Variants in CNTN5 observed in about 807,000 individuals in gnomAD.
The protein encoded by CNTN5 is contactin 5.
A neutral mutation model predicts 129.1 loss-of-function variants in CNTN5; 77 were observed. The ratio of observed to expected loss-of-function variants is 0.60; its 90% CI spans 0.50 to 0.72. The LOEUF (loss-of-function observed/expected upper bound fraction) is 0.72, where lower values mean the gene tolerates loss of function less well. CNTN5 is among the 30% of genes least tolerant of loss of function. The pLI, the probability that CNTN5 is intolerant of heterozygous loss-of-function variation, is 0.00. For synonymous variants in CNTN5, 509 were observed against 465.6 expected, an observed-to-expected ratio of 1.09 and a Z score of -1.20; for missense variants, 1,478 against 1,328.8, an observed-to-expected ratio of 1.11 and a Z score of -1.75.
At chr11:99,866,771 G>C (rs1179119277) in intron 6 of CNTN5, among the ~76,000 whole-genome samples, 9 of 152,164 alleles carry the variant, frequency 5.9e-5, no homozygotes, top group African/African-American at 9.7e-5. Context: ...CTTAGCCCAT[G>C]GGCGCTAAGG....
intron 2 of CNTN5, among the ~76,000 whole-genome samples, chr11:99,377,823 T>G (rs1443506633): frequency 6.6e-6 from 1 of 152,144 alleles, no homozygotes; most frequent in African/African-American, 2.4e-5. Context: ...ATTTTGCCTT[T>G]TCTCTGGCTA....
At chr11:99,753,316 G>T (rs1331061760) in intron 3 of CNTN5, among the ~76,000 whole-genome samples, 1 of 151,144 alleles carries the variant, frequency 6.6e-6, no homozygotes. Context: ...TAGAGATGGG[G>T]TTTCACCGTG....
intron 13 of CNTN5, among the ~76,000 whole-genome samples, chr11:100,137,401 A>T (rs189350429): frequency 1.5e-4 from 23 of 152,256 alleles, no homozygotes; most frequent in South Asian, 2.1e-4. Context: ...TCTACTGAAC[A>T]CTAGCTATGG....
Position 99,695,684 on chromosome 11 carries a change from G to A in CNTN5, c.56-123860G>A, listed in dbSNP as rs545034452. Reference sequence around the variant, plus strand: ...GAGAGGAGGTTTGAGACCAACCTGGGCAACGTAGGAACATAGACTCCATCT... The same window carrying A: ...GAGAGGAGGTTTGAGACCAACCTGGACAACGTAGGAACATAGACTCCATCT... On this transcript the variant is annotated intron_variant, in intron 3 of 24. Coordinates refer to ENST00000524871, the MANE Select transcript of CNTN5 (RefSeq NM_014361.4). Among the ~76,000 whole-genome samples the A allele has an allele frequency of 2.0e-5, 3 of 151,934 alleles. No homozygotes were observed. In the South Asian group the frequency reaches 6.2e-4, roughly 32 times the overall value.
intron 16 of CNTN5, among the ~76,000 whole-genome samples, chr11:100,234,825 A>G (rs1949575796): frequency 6.6e-6 from 1 of 150,422 alleles, no homozygotes; most frequent in East Asian, 1.9e-4. Context: ...AAAGAAGAAG[A>G]AGGACTTCTA....
At chr11:99,151,091 C>A (rs942137364) in intron 1 of CNTN5, among the ~76,000 whole-genome samples, 2 of 151,996 alleles carry the variant, frequency 1.3e-5, no homozygotes, top group African/African-American at 4.8e-5. Context: ...TATTTAGAAG[C>A]AAAAATCATT....
At chr11:100,031,368 G>T (rs1342955144) in intron 9 of CNTN5, among the ~76,000 whole-genome samples, 2 of 152,192 alleles carry the variant, frequency 1.3e-5, no homozygotes, top group African/African-American at 2.4e-5. Flanking sequence ...TGGACGTGCA[G>T]TCAGGGAGGT....
intron 1 of CNTN5, among the ~76,000 whole-genome samples, chr11:99,074,882 G>T (rs1293341179): frequency 6.6e-6 from 1 of 152,178 alleles, no homozygotes; most frequent in Non-Finnish European, 1.5e-5. Flanking sequence ...ACATGTACCA[G>T]CCAATAGACA....
At position 99,844,876 on chromosome 11, in the gene CNTN5, T is replaced by C. The variant is rs780406948; in HGVS notation, c.302T>C (p.Phe101Ser). The change falls in exon 5 of 25, where the codon TTT becomes TCT. Residue 101 changes from phenylalanine (F) to serine (S), a missense_variant. Physicochemically the swap from Phe to Ser is radical, Grantham distance 155. Coordinates refer to ENST00000524871, the MANE Select transcript of CNTN5 (RefSeq NM_014361.4). Reference protein sequence around the residue: ...QDESVDYGPVFVQEPDDIIFP... With the variant: ...QDESVDYGPVSVQEPDDIIFP... Reference sequence around the variant, plus strand: ...GAAAGTGTGGACTATGGGCCAGTTTTTGTGCAAGAACCAGATGATATTATT... The same window carrying C: ...GAAAGTGTGGACTATGGGCCAGTTTCTGTGCAAGAACCAGATGATATTATT... 6.2e-7 allele frequency: 1 copy of C among 1,613,628 alleles called. No individual in the cohort carries two copies. Among genetic ancestry groups the C allele is most frequent in the East Asian group, 2.2e-5 (1 of 44,826 alleles).
intron 1 of CNTN5, among the ~76,000 whole-genome samples, chr11:99,186,300 C>T (rs1261448958): frequency 1.3e-5 from 2 of 151,902 alleles, no homozygotes; most frequent in Non-Finnish European, 1.5e-5. Flanking sequence ...CCCTCATTCA[C>T]ATTATAGCAC....
At position 99,335,034 on chromosome 11, in the gene CNTN5, C is replaced by T. The variant is rs187537334; in HGVS notation, c.-71+9550C>T. Among the ~76,000 whole-genome samples the T allele has an allele frequency of 3.5e-4, 53 of 152,194 alleles. No individual in the cohort carries two copies. The Middle Eastern group carries it at 0.014, about 39-fold the overall frequency. On this transcript the variant is annotated intron_variant, in intron 2 of 24. Coordinates refer to ENST00000524871, the MANE Select transcript of CNTN5 (RefSeq NM_014361.4). ...CCTCAGCAATACTTCCTCTGGAAGTCGTATTCACTGGCACCAGAGCTGTTT... is the reference window on the plus strand; with the variant it reads ...CCTCAGCAATACTTCCTCTGGAAGTTGTATTCACTGGCACCAGAGCTGTTT...
intron 2 of CNTN5, among the ~76,000 whole-genome samples, chr11:99,542,324 T>C (rs6590194): frequency 0.49 from 74,218 of 151,898 alleles, 18,542 homozygotes; most frequent in African/African-American, 0.56. Context: ...GCCTCCTCCC[T>C]TACACCCTCC....
intron 2 of CNTN5, among the ~76,000 whole-genome samples, chr11:99,533,883 T>C (rs1048985200): frequency 1.3e-5 from 2 of 152,162 alleles, no homozygotes; most frequent in Non-Finnish European, 2.9e-5. Flanking sequence ...GTGGGAAACA[T>C]TGCAGGGTCC....
At chr11:99,253,925 T>A (rs1862245815) in intron 1 of CNTN5, among the ~76,000 whole-genome samples, 2 of 118,746 alleles carry the variant, frequency 1.7e-5, no homozygotes, top group African/African-American at 3.5e-5. Flanking sequence ...ATATATATAT[T>A]TGGTAGAACA....
intron 1 of CNTN5, among the ~76,000 whole-genome samples, chr11:99,150,208 T>C (rs2135485722): frequency 6.6e-6 from 1 of 152,166 alleles, no homozygotes; most frequent in Admixed American, 6.5e-5. Flanking sequence ...AAATCACAAA[T>C]GACTGTAATT....
At chr11:99,910,239 C>G (rs1357685606) in intron 6 of CNTN5, among the ~76,000 whole-genome samples, 1 of 151,980 alleles carries the variant, frequency 6.6e-6, no homozygotes, top group Non-Finnish European at 1.5e-5. Context: ...TGATCACAGA[C>G]CCACAAGTTT....
At chr11:99,573,472 A>T (rs868421454) in intron 3 of CNTN5, among the ~76,000 whole-genome samples, 2 of 151,982 alleles carry the variant, frequency 1.3e-5, no homozygotes, top group South Asian at 4.1e-4. Context: ...CGGGAGGCTG[A>T]GGCAGGAGAA....
At chr11:99,138,235 A>G (rs1859333159) in intron 1 of CNTN5, among the ~76,000 whole-genome samples, 1 of 152,144 alleles carries the variant, frequency 6.6e-6, no homozygotes, top group Non-Finnish European at 1.5e-5. Flanking sequence ...TCTATTTATT[A>G]TTAGCATTTT....
rs578250862 is a variant in CNTN5, at chr11:99,911,888, T to G, written c.578-4166T>G. Reference sequence around the variant, plus strand: ...TATATCTCTACCTTGTTTTGGCTCCTCTTAAGTTTAGAGTCAAATTTGTAG... The same window carrying G: ...TATATCTCTACCTTGTTTTGGCTCCGCTTAAGTTTAGAGTCAAATTTGTAG... On this transcript the variant is annotated intron_variant, in intron 6 of 24. Transcript: ENST00000524871. Among the ~76,000 whole-genome samples, 47 of 152,102 alleles carry G rather than the reference T, an allele frequency of 3.1e-4. No individual in the cohort carries two copies. In the South Asian group the frequency reaches 9.5e-3, roughly 31 times the overall value.
Sources: allele counts gnomAD v4.1 joint callset (sites outside exome capture counted in the v4.1 genomes callset), GRCh38; gene constraint gnomAD v4.1.1; transcripts MANE v1.5; gene names NCBI Gene and HGNC (gene_info 2026-07-23, HGNC 2026-07-21).